The following ANK2 variants were observed in gnomAD, a reference collection of about 807,000 sequenced individuals.
ANK2 encodes the protein ankyrin 2, also known as ankyrin-2.
Under a neutral mutation model 360.5 loss-of-function variants are expected in ANK2, and 83 were observed. The ratio of observed to expected loss-of-function variants is 0.23; its 90% CI spans 0.19 to 0.28. The LOEUF (loss-of-function observed/expected upper bound fraction) is 0.28. Among genes scored for constraint, ANK2 ranks in the 10% least tolerant of loss-of-function variants. The probability of loss-of-function intolerance (pLI) is 1.00; values close to 1 mark genes in which losing one functional copy is unlikely to be tolerated. For missense variants in ANK2, 4,201 were observed against 4,795.7 expected (o/e 0.88, Z 3.66); for synonymous variants, 1,740 against 1,759.5 (o/e 0.99, Z 0.28).
At chr4:112,714,800 A>G in the ANK2 span, among the ~76,000 whole-genome samples, 1 of 152,218 alleles carries the variant, frequency 6.6e-6, no homozygotes, top group Non-Finnish European at 1.5e-5. Flanking sequence ...ATGTTTTTAT[A>G]AAGGGGTATT....
In ANK2 at chr4:113,219,772, C is replaced by T. The variant is rs189290436; in HGVS notation, c.385-12389C>T. Among the ~76,000 whole-genome samples, 13 of 152,108 alleles carry T rather than the reference C, an allele frequency of 8.5e-5. No individual in the cohort carries two copies. The East Asian group carries it at 1.7e-3, about 20-fold the overall frequency. ...GTTTTTCTTACTATTATTTCTGTGA[C>T]GTGTTTTATGATACTCTTCAGATTT... is the stretch of plus-strand genomic sequence containing the variant. On this transcript the variant is annotated intron_variant, in intron 4 of 45. Coordinates refer to ENST00000357077, the MANE Select transcript of ANK2 (RefSeq NM_001148.6).
At chr4:113,282,637 T>C in intron 17 of ANK2, 38 bp from the exon 18 acceptor site, 1 of 1,518,852 alleles carries the variant, frequency 6.6e-7, no homozygotes, top group Admixed American at 1.8e-5. Context: ...TTGTTAATCT[T>C]ACTCTATATG....
intron 2 of ANK2, among the ~76,000 whole-genome samples, chr4:113,017,305 G>T (rs1194196009): frequency 6.6e-6 from 1 of 151,476 alleles, no homozygotes; most frequent in Non-Finnish European, 1.5e-5. Context: ...CTCTGATTCG[G>T]CCACTTATCT....
At chr4:112,844,661 G>T (rs2062883202) in intron 1 of ANK2, among the ~76,000 whole-genome samples, 1 of 152,192 alleles carries the variant, frequency 6.6e-6, no homozygotes, top group African/African-American at 2.4e-5. Context: ...CTAAGGCAAA[G>T]GAAGACAAGG....
At chr4:112,987,370 G>A (rs772688558) in intron 2 of ANK2, among the ~76,000 whole-genome samples, 3 of 152,174 alleles carry the variant, frequency 2.0e-5, no homozygotes, top group Non-Finnish European at 4.4e-5. Flanking sequence ...TGGGAGACAC[G>A]GGCAGGAGAC....
intron 1 of ANK2, among the ~76,000 whole-genome samples, chr4:113,109,056 C>T (rs185133093): frequency 4.9e-4 from 74 of 152,122 alleles, no homozygotes; most frequent in African/African-American, 1.7e-3. Flanking sequence ...TTATATTTCT[C>T]ATTTGCTAAC....
At chr4:113,027,176 C>G (rs189760555) in intron 2 of ANK2, among the ~76,000 whole-genome samples, 1 of 152,090 alleles carries the variant, frequency 6.6e-6, no homozygotes, top group South Asian at 2.1e-4. Context: ...CTTGCATATG[C>G]GAACCCCTCT....
rs1342866756 is a variant in ANK2, at chr4:113,383,233, C to T, written c.*1762C>T. The T allele has an allele frequency of 2.0e-5, 3 of 152,616 alleles. No homozygotes were observed. Among genetic ancestry groups the T allele is most frequent in the Admixed American group, 6.5e-5 (1 of 15,278 alleles). The allele number at this position is 152,616 out of a possible 1,614,324, so 9.5% of individuals were successfully genotyped here. ...AATGCGACAAACAATGGCACTTCAT[C>T]ATTTAAAGTAATGTTGCCAAGAGAA... On this transcript the variant is annotated 3_prime_UTR_variant, in exon 46 of 46. Coordinates refer to ENST00000357077, the MANE Select transcript of ANK2 (RefSeq NM_001148.6).
At chr4:113,289,480 G>A (rs890765385) in intron 20 of ANK2, among the ~76,000 whole-genome samples, 1 of 151,982 alleles carries the variant, frequency 6.6e-6, no homozygotes, top group Admixed American at 6.6e-5. Flanking sequence ...CAAAGTGCTG[G>A]GATTACAAGT....
At chr4:112,938,947 T>A (rs2093980553) in intron 2 of ANK2, among the ~76,000 whole-genome samples, 1 of 152,218 alleles carries the variant, frequency 6.6e-6, no homozygotes, top group African/African-American at 2.4e-5. Flanking sequence ...AGTGAATTAA[T>A]GTGAAAGTTG....
the ANK2 span, chr4:112,788,277 C>G: frequency 6.3e-7 from 1 of 1,579,304 alleles, no homozygotes; most frequent in Non-Finnish European, 8.6e-7. Flanking sequence ...TGTGTGAAGG[C>G]GACAGTGGTG....
In ANK2 at chr4:113,024,613, G is replaced by A. The variant is rs180971056; in HGVS notation, c.21+120099G>A. On this transcript the variant is annotated intron_variant, in intron 2 of 30. Transcript: ENST00000503271. ...GCAGGATAATTGCAAAGTACTTAAG[G>A]ACAAATCATTCCCTTGTGTCTTTGT... is the stretch of plus-strand genomic sequence containing the variant. Among the ~76,000 whole-genome samples, 270 of 152,196 alleles carry A rather than the reference G, an allele frequency of 1.8e-3. 3 individuals are homozygous for A. Among genetic ancestry groups the A allele is most frequent in the South Asian group, 1.0e-3 (5 of 4,814 alleles).
intron 1 of ANK2, among the ~76,000 whole-genome samples, chr4:112,830,541 A>C (rs772061281): frequency 5.9e-5 from 9 of 152,192 alleles, no homozygotes; most frequent in Non-Finnish European, 1.0e-4. Context: ...ATTGGTACTT[A>C]TCGGTTACTA....
intron 28 of ANK2, 43 bp from the exon 29 acceptor site, chr4:113,333,011 G>C (rs2153941305): frequency 6.2e-7 from 1 of 1,613,696 alleles, no homozygotes; most frequent in Non-Finnish European, 8.5e-7. Flanking sequence ...CTTGCTGTTA[G>C]TTAGCTCCTG....
intron 4 of ANK2, among the ~76,000 whole-genome samples, chr4:113,201,064 G>A (rs1026026240): frequency 7.9e-5 from 12 of 151,954 alleles, no homozygotes; most frequent in Middle Eastern, 3.4e-3. Flanking sequence ...TGAAGGTGTC[G>A]TTTTGACGTA....
the ANK2 span, among the ~76,000 whole-genome samples, chr4:112,768,271 T>C: frequency 2.0e-5 from 3 of 152,192 alleles, no homozygotes; most frequent in Admixed American, 6.5e-5. Context: ...TTCATTTTTT[T>C]GAGATAAGGT....
At chr4:113,112,861 AT>A (rs2094438738) in intron 1 of ANK2, among the ~76,000 whole-genome samples, 1 of 152,208 alleles carries the variant, frequency 6.6e-6, no homozygotes, top group Non-Finnish European at 1.5e-5. Flanking sequence ...TAGAAGGAAG[AT>A]ATCCTTTGGG....
chr4:113,191,585 C>T (rs2098665336), intron 2 of ANK2, among the ~76,000 whole-genome samples: 1 of 152,200 alleles, frequency 6.6e-6, no homozygotes, highest in African/African-American at 2.4e-5. Flanking sequence ...CATCTCATCA[C>T]ATTTAGCCAA....
chr4:112,821,569 T>G (rs892098933), intron 1 of ANK2, among the ~76,000 whole-genome samples: 1 of 151,062 alleles, frequency 6.6e-6, no homozygotes, highest in Non-Finnish European at 1.5e-5. Flanking sequence ...AGTGGTGTGA[T>G]CACAGCTCAT....
Sources: gnomAD v4.1 joint callset for allele counts (sites outside exome capture counted in the v4.1 genomes callset) on GRCh38, gnomAD v4.1.1 for gene constraint, MANE v1.5 for transcripts, NCBI Gene and HGNC (gene_info 2026-07-23, HGNC 2026-07-21) for gene names.